CSMD3: variants seen among roughly 807,000 people sequenced by gnomAD.
CSMD3 encodes CUB and Sushi multiple domains 3.
Under a neutral mutation model 435.2 loss-of-function variants are expected in CSMD3, and 177 were observed. That is an observed-to-expected ratio of 0.41 (90% CI 0.36 to 0.46). The LOEUF is 0.46. CSMD3 is among the 20% of genes least tolerant of loss of function. CSMD3 has a pLI of 0.34. For missense variants in CSMD3, 4,265 were observed against 4,504.6 expected (o/e 0.95, Z 1.52); for synonymous variants, 1,656 against 1,520.5 (o/e 1.09, Z -2.07).
In CSMD3 at chr8:112,976,028, G is replaced by A. The variant is rs1366774976; in HGVS notation, c.1151C>T (p.Ala384Val). ...CTCGGAAAGTCTATGGATGGTGACA[G>A]CTGTAACACTGGATACAGTAACATC... ...PADVTVSSVT[A>V]VTIHRLSEEQ... Residue 384 changes from alanine (A) to valine (V), a missense_variant, in exon 7 of 71, where the codon GCT becomes GTT. This residue lies in a region of CSMD3 where 731 missense variants were observed against 755.4 expected (regional missense o/e 0.97). Transcript: ENST00000297405. 3.1e-6 allele frequency: 5 copies of A among 1,613,934 alleles called. No homozygotes were observed. Among genetic ancestry groups the A allele is most frequent in the Admixed American group, 1.7e-5 (1 of 59,982 alleles).
chr8:112,630,748 A>G lies in CSMD3; in HGVS notation c.3715+6069T>C, dbSNP rs2074491077. On this transcript the variant is annotated intron_variant, in intron 22 of 70. Transcript: ENST00000297405. ...ATGATTGAATAAGAATGATTCCATA[A>G]CTGAAATAAAGAGTGCAGAAAGAAA... Among the ~76,000 whole-genome samples, 5 of 152,134 alleles carry G rather than the reference A, an allele frequency of 3.3e-5. No homozygotes were observed. The South Asian group carries it at 1.0e-3, about 31-fold the overall frequency.
intron 2 of CSMD3, chr8:113,310,005 T>A (rs1443614035): frequency 6.6e-6 from 1 of 152,174 alleles, no homozygotes; most frequent in Non-Finnish European, 1.5e-5. Context: ...AAAATAAATT[T>A]TTTGTTTAAG....
chr8:112,763,656 G>T (rs947000450), intron 13 of CSMD3, among the ~76,000 whole-genome samples: 59 of 148,132 alleles, frequency 4.0e-4, no homozygotes, highest in African/African-American at 1.4e-3. Context: ...TTATATGTTA[G>T]TTACTTCGTG....
intron 10 of CSMD3, among the ~76,000 whole-genome samples, chr8:112,871,185 G>GTA (rs1424996735): frequency 1.3e-5 from 2 of 152,166 alleles, no homozygotes; most frequent in African/African-American, 4.8e-5. Flanking sequence ...GTTGGCAGAT[G>GTA]TATACTCTTT....
intron 59 of CSMD3, among the ~76,000 whole-genome samples, chr8:112,280,882 C>G (rs1818563585): frequency 6.6e-6 from 1 of 152,034 alleles, no homozygotes; most frequent in Non-Finnish European, 1.5e-5. Context: ...TTAATTGCAG[C>G]TATAAATCAT....
intron 22 of CSMD3, among the ~76,000 whole-genome samples, chr8:112,608,609 C>T (rs1478929124): frequency 6.6e-6 from 1 of 151,850 alleles, no homozygotes; most frequent in African/African-American, 2.4e-5. Context: ...TACATACACA[C>T]ACACACACGT....
At chr8:112,329,338 T>C (rs972279823) in intron 45 of CSMD3, among the ~76,000 whole-genome samples, 1 of 152,038 alleles carries the variant, frequency 6.6e-6, no homozygotes, top group Non-Finnish European at 1.5e-5. Context: ...AGAACACTGT[T>C]CAAATAATCA....
intron 1 of CSMD3, among the ~76,000 whole-genome samples, chr8:113,395,392 G>C (rs1168383708): frequency 6.6e-6 from 1 of 151,992 alleles, no homozygotes; most frequent in Non-Finnish European, 1.5e-5. Context: ...CGGATCATGA[G>C]GTCAGGAGAT....
chr8:113,161,966 TAG>T (rs949120884), intron 4 of CSMD3, among the ~76,000 whole-genome samples: 1 of 152,128 alleles, frequency 6.6e-6, no homozygotes, highest in African/African-American at 2.4e-5. Context: ...TCCTGAATCC[TAG>T]AAAGTGATTT....
At chr8:112,955,973 TTAA>T (rs1054938573) in intron 7 of CSMD3, among the ~76,000 whole-genome samples, 1 of 151,986 alleles carries the variant, frequency 6.6e-6, no homozygotes, top group African/African-American at 2.4e-5. Context: ...TTTTTTCTTG[TTAA>T]TAACTTCAAA....
intron 38 of CSMD3, among the ~76,000 whole-genome samples, chr8:112,369,768 G>C (rs1381845210): frequency 6.6e-6 from 1 of 151,732 alleles, no homozygotes; most frequent in Non-Finnish European, 1.5e-5. Context: ...TGCATGCGGG[G>C]CTTAAAACCT....
chr8:113,152,463 C>T (rs2091830850), intron 4 of CSMD3, among the ~76,000 whole-genome samples: 1 of 151,958 alleles, frequency 6.6e-6, no homozygotes, highest in Non-Finnish European at 1.5e-5. Context: ...ACACCTGCAT[C>T]CGTATGTCTT....
At chr8:113,324,462 A>C (rs2093969870) in intron 1 of CSMD3, among the ~76,000 whole-genome samples, 1 of 152,164 alleles carries the variant, frequency 6.6e-6, no homozygotes, top group African/African-American at 2.4e-5. Context: ...AGAGAATGGA[A>C]GCTCCAAGCC....
At chr8:112,739,446 A>G (rs933758201) in intron 13 of CSMD3, among the ~76,000 whole-genome samples, 1 of 151,764 alleles carries the variant, frequency 6.6e-6, no homozygotes, top group African/African-American at 2.4e-5. Context: ...TATTTCCACA[A>G]ATAGTTTTTA....
At chr8:112,914,433 T>A (rs772015319) in intron 10 of CSMD3, among the ~76,000 whole-genome samples, 7 of 151,800 alleles carry the variant, frequency 4.6e-5, no homozygotes, top group Non-Finnish European at 1.0e-4. Flanking sequence ...ATCTGCCATG[T>A]GCCAGGCATT....
At chr8:113,181,825 T>C (rs2092425398) in intron 3 of CSMD3, among the ~76,000 whole-genome samples, 1 of 151,958 alleles carries the variant, frequency 6.6e-6, no homozygotes, top group South Asian at 2.1e-4. Flanking sequence ...TAGCACAGAG[T>C]AGCATTTGAT....
chr8:112,413,870 G>T (rs2130168441), intron 32 of CSMD3, among the ~76,000 whole-genome samples: 1 of 152,142 alleles, frequency 6.6e-6, no homozygotes. Flanking sequence ...TCTTTGCATT[G>T]TCCAACTTTA....
intron 38 of CSMD3, among the ~76,000 whole-genome samples, chr8:112,372,383 C>G (rs1474304233): frequency 6.6e-6 from 1 of 151,946 alleles, no homozygotes; most frequent in Non-Finnish European, 1.5e-5. Flanking sequence ...ATGAAATGAC[C>G]AAATATCTGG....
intron 3 of CSMD3, among the ~76,000 whole-genome samples, chr8:113,272,699 T>C (rs951873490): frequency 1.3e-5 from 2 of 152,222 alleles, no homozygotes; most frequent in African/African-American, 4.8e-5. Flanking sequence ...AATGGACTAA[T>C]ACAGAACCTA....
Sources: gnomAD v4.1 joint callset for allele counts (sites outside exome capture counted in the v4.1 genomes callset) on GRCh38, gnomAD v4.1.1 for gene constraint, gnomAD v4.1.1 regional missense constraint, MANE v1.5 for transcripts, NCBI Gene and HGNC (gene_info 2026-07-23, HGNC 2026-07-21) for gene names.